WASHC5: variants seen among roughly 807,000 people sequenced by gnomAD.
WASHC5 encodes the protein WASH complex subunit 5, also known as WASH complex subunit strumpellin.
WASHC5 carries 101 observed loss-of-function variants against 150.4 expected under a neutral mutation model. The ratio of observed to expected loss-of-function variants is 0.67; its 90% CI spans 0.57 to 0.79. WASHC5 has a LOEUF of 0.79. WASHC5 is among the 30% of genes least tolerant of loss of function. The probability of loss-of-function intolerance (pLI) is 0.00; values close to 1 mark genes in which losing one functional copy is unlikely to be tolerated. For missense variants in WASHC5, 1,195 were observed against 1,396.3 expected (o/e 0.86, Z 2.30); for synonymous variants, 467 against 491.2 (o/e 0.95, Z 0.65).
At position 125,050,991 on chromosome 8, in the gene WASHC5, C is replaced by T. The variant is rs928721360; in HGVS notation, c.2098-326G>A. ...CCCCTCTTTTTGGAGTTTTAAATGG[C>T]CTCACATTCTCATTAATGGCCCCTC... On this transcript the variant is annotated intron_variant, in intron 17 of 28. Coordinates refer to ENST00000318410, the MANE Select transcript of WASHC5 (RefSeq NM_014846.4). 5.9e-5 allele frequency among the ~76,000 whole-genome samples: 9 copies of T among 152,162 alleles called. No individual in the cohort carries two copies. In the South Asian group the frequency reaches 1.9e-3, roughly 32 times the overall value.
chr8:125,032,574 C>A, intron 26 of WASHC5, 180 bp from the exon 27 acceptor site: 1 of 715,454 alleles, frequency 1.4e-6, no homozygotes. Context: ...GTAGGGCATT[C>A]CAGGGGTCTG....
intron 11 of WASHC5, among the ~76,000 whole-genome samples, chr8:125,063,141 T>A (rs1281852205): frequency 1.3e-5 from 2 of 151,960 alleles, no homozygotes; most frequent in Admixed American, 1.3e-4. Context: ...TCATGAGAAT[T>A]ATAGATCCTT....
intron 23 of WASHC5, among the ~76,000 whole-genome samples, chr8:125,041,717 A>G (rs940648259): frequency 1.3e-5 from 2 of 152,206 alleles, no homozygotes; most frequent in African/African-American, 4.8e-5. Context: ...GTAATGGTCA[A>G]AAGTATTAAA....
At chr8:125,028,374 T>C (rs560081676) in intron 28 of WASHC5, among the ~76,000 whole-genome samples, 23 of 152,216 alleles carry the variant, frequency 1.5e-4, no homozygotes, top group African/African-American at 5.3e-4. Context: ...ACCAGATGAG[T>C]TGCTGACAGG....
intron 11 of WASHC5, 76 bp from the exon 12 acceptor site, chr8:125,061,270 CT>C: frequency 1.2e-6 from 1 of 836,912 alleles, no homozygotes; most frequent in Non-Finnish European, 2.0e-6. Context: ...ACTAAATAAT[CT>C]TTTATAAATT....
rs10089670 is a variant in WASHC5 at position 125,050,978 on chromosome 8, G to C, written c.2098-313C>G. On this transcript the variant is annotated intron_variant, in intron 17 of 28. Transcript: ENST00000318410. Reference sequence around the variant, plus strand: ...TTCTAATTAATGGCCCCTCTTTTTGGAGTTTTAAATGGCCTCACATTCTCA... The same window carrying C: ...TTCTAATTAATGGCCCCTCTTTTTGCAGTTTTAAATGGCCTCACATTCTCA... Among the ~76,000 whole-genome samples, 3,805 of 152,150 alleles carry C rather than the reference G, an allele frequency of 0.025. 152 individuals are homozygous for C. Among genetic ancestry groups the C allele is most frequent in the African/African-American group, 0.087 (3,608 of 41,510 alleles).
At position 125,069,848 on chromosome 8, in the gene WASHC5, A is replaced by G. The variant is rs540405513; in HGVS notation, c.1151-2129T>C. ...ATCAAACAAACTCAGAAGGAGCTCCAGTTGTCTTTATACTAATTTTAATTA... is the reference window on the plus strand; with the variant it reads ...ATCAAACAAACTCAGAAGGAGCTCCGGTTGTCTTTATACTAATTTTAATTA... On this transcript the variant is annotated intron_variant, in intron 9 of 28. Coordinates refer to ENST00000318410, the MANE Select transcript of WASHC5 (RefSeq NM_014846.4). Among the ~76,000 whole-genome samples the G allele has an allele frequency of 4.6e-5, 7 of 152,330 alleles. No homozygotes were observed. The South Asian group carries it at 1.4e-3, about 32-fold the overall frequency.
intron 19 of WASHC5, 87 bp downstream of exon 19, chr8:125,048,919 C>G: frequency 8.9e-7 from 1 of 1,124,100 alleles, no homozygotes; most frequent in Non-Finnish European, 1.3e-6. Flanking sequence ...AGTAAACTTT[C>G]TTGTTGACAT....
intron 17 of WASHC5, among the ~76,000 whole-genome samples, chr8:125,052,609 TACACACACAC>T (rs34684600): frequency 2.1e-5 from 3 of 141,796 alleles, no homozygotes; most frequent in East Asian, 4.0e-4. Flanking sequence ...TCACACACAC[TACACACACAC>T]ACACACACAC....
chr8:125,025,241 T>C (rs1398387748), intron 28 of WASHC5, among the ~76,000 whole-genome samples: 2 of 148,202 alleles, frequency 1.3e-5, no homozygotes, highest in Admixed American at 6.6e-5. Flanking sequence ...TGAGTATTTT[T>C]TAGAAGCAGT....
intron 16 of WASHC5, 48 bp from the exon 17 acceptor site, chr8:125,055,719 GGAA>G: frequency 9.0e-7 from 1 of 1,105,524 alleles, no homozygotes; most frequent in Non-Finnish European, 1.4e-6. Context: ...TAATAGTCCT[GGAA>G]TGAACAAAGA....
chr8:125,081,079 T>G (rs181176065), intron 5 of WASHC5, among the ~76,000 whole-genome samples: 5 of 152,130 alleles, frequency 3.3e-5, no homozygotes, highest in Admixed American at 6.6e-5. Flanking sequence ...CTTTTTAAAA[T>G]TGGAGTTATC....
At position 125,063,155 on chromosome 8, in the gene WASHC5, C is replaced by T. The variant is rs570824987; in HGVS notation, c.1408+367G>A. On this transcript the variant is annotated intron_variant, in intron 11 of 28. Coordinates refer to ENST00000318410, the MANE Select transcript of WASHC5 (RefSeq NM_014846.4). ...ATCATGAGAATTATAGATCCTTTCC[C>T]CCCTTTCCCCAAATCACTAAACTGA... 6.6e-5 allele frequency among the ~76,000 whole-genome samples: 10 copies of T among 151,710 alleles called. No individual in the cohort carries two copies. The South Asian group carries it at 2.1e-3, about 31-fold the overall frequency.
intron 6 of WASHC5, among the ~76,000 whole-genome samples, chr8:125,077,273 C>T (rs960511244): frequency 2.0e-5 from 3 of 152,250 alleles, no homozygotes; most frequent in Non-Finnish European, 2.9e-5. Flanking sequence ...GGCTGGGAAC[C>T]GGAATGCCTT....
chr8:125,089,398 A>T (rs959422802), intron 1 of WASHC5, among the ~76,000 whole-genome samples: 1 of 151,802 alleles, frequency 6.6e-6, no homozygotes, highest in Non-Finnish European at 1.5e-5. Flanking sequence ...TGATGACCTT[A>T]AAAAAAATCG....
chr8:125,078,741 G>T lies in WASHC5; in HGVS notation c.708C>A (p.Asn236Lys). The T allele has an allele frequency of 6.2e-7, 1 of 1,611,622 alleles. No homozygotes were observed. Among genetic ancestry groups the T allele is most frequent in the Non-Finnish European group, 8.5e-7 (1 of 1,177,890 alleles). ...TCTTAATAGATTTAATTCCCACCTGGTTGTAAATATCATCAGATCTCAGTC... is the reference window on the plus strand; with the variant it reads ...TCTTAATAGATTTAATTCCCACCTGTTTGTAAATATCATCAGATCTCAGTC... Reference protein sequence around the residue: ...IGRLRSDDIYNQVSAYPLPEH... With the variant: ...IGRLRSDDIYKQVSAYPLPEH... Residue 236 changes from asparagine to lysine, a missense_variant, in exon 6 of 29, where the codon AAC (asparagine) becomes AAA (lysine). Asn to Lys is a moderately conservative substitution (Grantham distance 94, BLOSUM62 0). This residue lies in a region of WASHC5 where 997 missense variants were observed against 1,168.1 expected (regional missense o/e 0.85). Coordinates refer to ENST00000318410, the MANE Select transcript of WASHC5 (RefSeq NM_014846.4).
chr8:125,067,395 C>T (rs929631293), intron 10 of WASHC5, among the ~76,000 whole-genome samples, 197 bp downstream of exon 10: 2 of 152,206 alleles, frequency 1.3e-5, no homozygotes, highest in Non-Finnish European at 2.9e-5. Flanking sequence ...TTCCCCATCA[C>T]TGTATCCCCA....
At chr8:125,044,210 C>G (rs759587624) in intron 21 of WASHC5, 116 bp from the exon 22 acceptor site, 4 of 774,842 alleles carry the variant, frequency 5.2e-6, no homozygotes, top group Non-Finnish European at 9.0e-6. Context: ...CACAAAACCT[C>G]TAAACAGGAT....
intron 20 of WASHC5, among the ~76,000 whole-genome samples, chr8:125,046,567 T>C (rs1228058759): frequency 6.6e-6 from 1 of 152,212 alleles, no homozygotes; most frequent in Non-Finnish European, 1.5e-5. Flanking sequence ...ATTTATTAAC[T>C]GTGTGATGCT....
Sources: allele counts gnomAD v4.1 joint callset (sites outside exome capture counted in the v4.1 genomes callset), GRCh38; gene constraint gnomAD v4.1.1; regional missense constraint gnomAD v4.1.1; transcripts MANE v1.5; gene names NCBI Gene and HGNC (gene_info 2026-07-23, HGNC 2026-07-21).